The following FAM237A variants were observed in gnomAD, a reference collection of about 807,000 sequenced individuals.
FAM237A encodes protein FAM237A.
Under a neutral mutation model 12.5 loss-of-function variants are expected in FAM237A, and 14 were observed. That is an observed-to-expected ratio of 1.12 (90% CI 0.74 to 1.75). FAM237A has a LOEUF of 1.75. Among genes scored for constraint, FAM237A ranks in the 40% most tolerant of loss-of-function variants. FAM237A has a pLI of 0.00. For missense variants in FAM237A, 240 were observed against 211.7 expected (o/e 1.13, Z -0.83); for synonymous variants, 85 against 77.5 (o/e 1.10, Z -0.51).
Position 206,644,410 on chromosome 2 carries a change from GGA to G in FAM237A, c.175_176del (p.Glu59AsnfsTer24). 1 of 1,613,772 alleles carries G rather than the reference GGA, an allele frequency of 6.2e-7. No homozygotes were observed. Among genetic ancestry groups the G allele is most frequent in the Non-Finnish European group, 8.5e-7 (1 of 1,179,812 alleles). On this transcript the variant is annotated frameshift_variant, in exon 2 of 3. Coordinates refer to ENST00000441223, the MANE Select transcript of FAM237A (RefSeq NM_001102659.3). LOFTEE classifies it high-confidence loss of function. ...CWESSSVLLLEMWKPRVSNTV... is the reference protein window; with the variant it reads ...CWESSSVLLLXMWKPRVSNTV... ...GGGAATCCTCCTCAGTGCTTCTCCT[GGA>G]AATGTGGAAACCTCGCGTTTCCAAC...
Position 206,644,578 on chromosome 2 carries a change from A to C in FAM237A, c.342A>C (p.Gly114=). 6.2e-7 allele frequency: 1 copy of C among 1,612,610 alleles called. No homozygotes were observed. Among genetic ancestry groups the C allele is most frequent in the Middle Eastern group, 1.7e-4 (1 of 6,050 alleles). ...DCVLSRNHGL[G]RRQLVGEEEK... Reference sequence around the variant, plus strand: ...TGCTCTCTAGGAACCATGGCTTAGGAAGGAGGCAATTGGTTGGAGAGGAAG... The same window carrying C: ...TGCTCTCTAGGAACCATGGCTTAGGCAGGAGGCAATTGGTTGGAGAGGAAG... The change falls in exon 2 of 3, where the codon GGA becomes GGC. Residue 114 remains glycine (G), a synonymous_variant. Transcript: ENST00000441223.
intron 1 of FAM237A, among the ~76,000 whole-genome samples, chr2:206,643,622 A>G (rs2105881341): frequency 6.6e-6 from 1 of 152,262 alleles, no homozygotes; most frequent in Middle Eastern, 3.4e-3. Flanking sequence ...GTATTTGTAA[A>G]ATGCTTATTG....
chr2:206,646,036 C>A (rs927331928), intron 2 of FAM237A, among the ~76,000 whole-genome samples: 1 of 152,112 alleles, frequency 6.6e-6, no homozygotes, highest in Non-Finnish European at 1.5e-5. Flanking sequence ...GGCATGGTGG[C>A]TCACGCCTGT....
At chr2:206,648,437 CTTA>C (rs1699344119) in intron 2 of FAM237A, among the ~76,000 whole-genome samples, 3 of 152,062 alleles carry the variant, frequency 2.0e-5, no homozygotes, top group East Asian at 1.9e-4. Context: ...CAAAAATGTA[CTTA>C]TTATAATGTA....
At chr2:206,648,059 G>A (rs6722977) in intron 2 of FAM237A, among the ~76,000 whole-genome samples, 10,563 of 152,064 alleles carry the variant, frequency 0.069, 441 homozygotes, top group Admixed American at 0.14. Flanking sequence ...ACATAAATAG[G>A]TTCTCAAATG....
intron 2 of FAM237A, among the ~76,000 whole-genome samples, chr2:206,647,439 C>T (rs1476239361): frequency 6.6e-6 from 1 of 152,014 alleles, no homozygotes; most frequent in Non-Finnish European, 1.5e-5. Context: ...AATAAAAGGG[C>T]TAGAGATGTC....
intron 2 of FAM237A, among the ~76,000 whole-genome samples, chr2:206,648,070 C>T (rs1487832990): frequency 1.3e-5 from 2 of 152,100 alleles, no homozygotes; most frequent in African/African-American, 4.8e-5. Context: ...TTCTCAAATG[C>T]TTGATTTTCT....
At chr2:206,647,471 G>C (rs1699330791) in intron 2 of FAM237A, among the ~76,000 whole-genome samples, 1 of 152,172 alleles carries the variant, frequency 6.6e-6, no homozygotes, top group African/African-American at 2.4e-5. Context: ...AGCCTCTAAA[G>C]ATCATTGTTA....
intron 2 of FAM237A, among the ~76,000 whole-genome samples, chr2:206,646,376 T>G (rs1559300390): frequency 6.6e-6 from 1 of 152,182 alleles, no homozygotes; most frequent in Non-Finnish European, 1.5e-5. Flanking sequence ...TTGCACTTAC[T>G]TTGAATAACT....
At chr2:206,644,132 C>T in intron 1 of FAM237A, 95 bp from the exon 2 acceptor site, 4 of 1,161,390 alleles carry the variant, frequency 3.4e-6, no homozygotes, top group Non-Finnish European at 4.7e-6. Context: ...GATGTGTTTC[C>T]TTTGCTGGAA....
At chr2:206,644,087 G>A in intron 1 of FAM237A, 140 bp from the exon 2 acceptor site, 1 of 789,446 alleles carries the variant, frequency 1.3e-6, no homozygotes, top group South Asian at 2.2e-5. Context: ...TTGTGATATG[G>A]GAGCTTGGCT....
At chr2:206,647,820 T>C (rs2105882955) in intron 2 of FAM237A, among the ~76,000 whole-genome samples, 1 of 152,286 alleles carries the variant, frequency 6.6e-6, no homozygotes, top group East Asian at 1.9e-4. Flanking sequence ...GGCCTCCTCC[T>C]TCAACAAACC....
At chr2:206,645,988 G>A (rs981949635) in intron 2 of FAM237A, among the ~76,000 whole-genome samples, 1 of 151,848 alleles carries the variant, frequency 6.6e-6, no homozygotes, top group Non-Finnish European at 1.5e-5. Flanking sequence ...ATGGTCTGTA[G>A]GGCCTTTTCT....
chr2:206,643,878 C>T (rs1032336095), intron 1 of FAM237A, among the ~76,000 whole-genome samples: 1 of 152,168 alleles, frequency 6.6e-6, no homozygotes, highest in Non-Finnish European at 1.5e-5. Flanking sequence ...ATAGTTAAAG[C>T]CATGCAGCAA....
Position 206,644,217 on chromosome 2 carries a change from T to C in FAM237A, c.-10-10T>C. Reference sequence around the variant, plus strand: ...CGGGGACTGATAAGAAATATTTCCATCCTGTGCAGTTTTAGGGCCATGGCT... The same window carrying C: ...CGGGGACTGATAAGAAATATTTCCACCCTGTGCAGTTTTAGGGCCATGGCT... On this transcript the variant is annotated splice_polypyrimidine_tract_variant and intron_variant, in intron 1 of 2. Coordinates refer to ENST00000441223, the MANE Select transcript of FAM237A (RefSeq NM_001102659.3). 6.4e-7 allele frequency: 1 copy of C among 1,562,816 alleles called. No individual in the cohort carries two copies. The highest frequency in any genetic ancestry group is 1.2e-5 in the South Asian group (1 of 81,456).
At chr2:206,644,066 T>C (rs917662499) in intron 1 of FAM237A, among the ~76,000 whole-genome samples, 161 bp from the exon 2 acceptor site, 1 of 152,356 alleles carries the variant, frequency 6.6e-6, no homozygotes, top group African/African-American at 2.4e-5. Flanking sequence ...TCATTTTAGA[T>C]AGAACGGAGC....
intron 2 of FAM237A, among the ~76,000 whole-genome samples, chr2:206,644,936 A>C (rs1421480933): frequency 6.6e-6 from 1 of 152,258 alleles, no homozygotes. Context: ...AAAATACAGC[A>C]TAAAAGTATA....
chr2:206,646,249 G>A (rs1034434782), intron 2 of FAM237A, among the ~76,000 whole-genome samples: 2 of 151,452 alleles, frequency 1.3e-5, no homozygotes, highest in African/African-American at 4.9e-5. Flanking sequence ...CTTGCAGTGA[G>A]CCGAGATCGC....
At position 206,642,812 on chromosome 2, in the gene FAM237A, G is replaced by T. The variant is rs971186436; in HGVS notation, c.-11+230G>T. On this transcript the variant is annotated intron_variant, in intron 1 of 2. Transcript: ENST00000441223. The surrounding 1 kb of genome is among the most constrained non-coding windows in gnomAD (Gnocchi z 5.1). ...CAATTTGAGCGCCGTGGCGCCAGCA[G>T]ACAGGGAGTCCCGGATAACGCCAAC... Among the ~76,000 whole-genome samples, 1 of 152,256 alleles carries T rather than the reference G, an allele frequency of 6.6e-6. No homozygotes were observed. Among genetic ancestry groups the T allele is most frequent in the Non-Finnish European group, 1.5e-5 (1 of 68,046 alleles).
Sources: gnomAD v4.1 joint callset for allele counts (sites outside exome capture counted in the v4.1 genomes callset) on GRCh38, gnomAD v4.1.1 for gene constraint, Gnocchi (gnomAD v3.1) non-coding constraint, MANE v1.5 for transcripts, NCBI Gene and HGNC (gene_info 2026-07-23, HGNC 2026-07-21) for gene names.